Variants in AFG1L observed in about 807,000 individuals in gnomAD.
The protein encoded by AFG1L is AFG1 like ATPase.
AFG1L carries 53 observed loss-of-function variants against 62.2 expected under a neutral mutation model. That is an observed-to-expected ratio of 0.85 (90% confidence interval 0.68 to 1.07). AFG1L has a LOEUF of 1.07. Among genes scored for constraint, AFG1L ranks in the 50% least tolerant of loss-of-function variants. The pLI is 0.00. For missense variants in AFG1L, 555 were observed against 590.5 expected (o/e 0.94, Z 0.62); for synonymous variants, 228 against 210.3 (o/e 1.08, Z -0.73).
Position 108,525,442 on chromosome 6 carries a change from C to T in AFG1L, c.*3017C>T, listed in dbSNP as rs970935323. 6.6e-6 allele frequency: 1 copy of T among 152,074 alleles called. No homozygotes were observed. The highest frequency in any genetic ancestry group is 1.5e-5 in the Non-Finnish European group (1 of 68,014). 9.4% of individuals were successfully genotyped at this position (152,074 alleles called of 1,614,324 possible). ...TTCAAATTTTAATAATAAGGCAATA[C>T]TTTTATCTTCTTAAAGTATATTTCC... On this transcript the variant is annotated 3_prime_UTR_variant, in exon 13 of 13. Coordinates refer to ENST00000368977, the MANE Select transcript of AFG1L (RefSeq NM_145315.5).
At chr6:108,482,944 C>T (rs930995564) in intron 10 of AFG1L, among the ~76,000 whole-genome samples, 8 of 152,072 alleles carry the variant, frequency 5.3e-5, no homozygotes, top group African/African-American at 1.7e-4. Context: ...ACAGTGTACT[C>T]GTTGGCAGTA....
In AFG1L at chr6:108,446,051, T is replaced by TACACAC. The variant is rs67384163; in HGVS notation, c.808-1116_808-1111dup. 2.5e-3 allele frequency among the ~76,000 whole-genome samples: 358 copies of TACACAC among 141,876 alleles called. 1 individual carries two copies. The highest frequency in any genetic ancestry group is 8.2e-3 in the African/African-American group (310 of 37,656). The allele number at this position is 141,876 out of a possible 152,430, so 93.1% of individuals were successfully genotyped here. ...AGTATGCCTCTCATCTATGTAGAGA[T>TACACAC]ACACACACACACACACACACACACA... On this transcript the variant is annotated intron_variant, in intron 7 of 12. Transcript: ENST00000368977.
intron 7 of AFG1L, among the ~76,000 whole-genome samples, chr6:108,441,712 A>AAAAAATATAT (rs1401294615): frequency 0.013 from 1,778 of 139,396 alleles, 28 homozygotes; most frequent in Middle Eastern, 0.049. Context: ...AAAAAAAAAA[A>AAAAAATATAT]ATATATATAT....
At chr6:108,392,700 A>G (rs190611389) in intron 6 of AFG1L, among the ~76,000 whole-genome samples, 1 of 152,126 alleles carries the variant, frequency 6.6e-6, no homozygotes, top group Non-Finnish European at 1.5e-5. Flanking sequence ...TAAATAGTCT[A>G]TAGGTAGTCT....
chr6:108,410,868 C>A (rs889426909), intron 7 of AFG1L, among the ~76,000 whole-genome samples: 2 of 152,080 alleles, frequency 1.3e-5, no homozygotes, highest in Non-Finnish European at 2.9e-5. Flanking sequence ...GTAAGCAATG[C>A]AGAAGACGGG....
chr6:108,332,758 C>T lies in AFG1L; in HGVS notation c.363+8710C>T, dbSNP rs560590641. Among the ~76,000 whole-genome samples, 10 of 152,192 alleles carry T rather than the reference C, an allele frequency of 6.6e-5. No homozygotes were observed. The East Asian group carries it at 1.9e-3, about 30-fold the overall frequency. ...CAGTAGCAGGGACTACATGTGCATA[C>T]CACCATGCCTGGCTAATTTTTTGTA... On this transcript the variant is annotated intron_variant, in intron 2 of 12. Coordinates refer to ENST00000368977, the MANE Select transcript of AFG1L (RefSeq NM_145315.5).
intron 8 of AFG1L, among the ~76,000 whole-genome samples, chr6:108,472,557 TTA>T (rs1772938267): frequency 1.3e-5 from 2 of 152,210 alleles, no homozygotes; most frequent in South Asian, 4.1e-4. Flanking sequence ...TTAGGATAGT[TTA>T]TCTTTTTCCT....
chr6:108,412,292 G>T (rs1477931928), intron 7 of AFG1L, among the ~76,000 whole-genome samples: 1 of 152,174 alleles, frequency 6.6e-6, no homozygotes, highest in Non-Finnish European at 1.5e-5. Flanking sequence ...CATCTGATTG[G>T]TGTATCTGAA....
intron 6 of AFG1L, among the ~76,000 whole-genome samples, chr6:108,377,629 G>A (rs1011770955): frequency 6.6e-6 from 1 of 152,036 alleles, no homozygotes; most frequent in African/African-American, 2.4e-5. Context: ...GCCTGATGGG[G>A]TTCCTTTTGT....
chr6:108,492,875 TTAAAG>T (rs773515792), intron 10 of AFG1L, among the ~76,000 whole-genome samples: 16 of 152,170 alleles, frequency 1.1e-4, no homozygotes, highest in Non-Finnish European at 5.9e-5. Context: ...CAGGATCATG[TTAAAG>T]TAAATGCCTT....
intron 3 of AFG1L, among the ~76,000 whole-genome samples, chr6:108,348,141 C>T (rs1030062504): frequency 7.9e-5 from 12 of 152,158 alleles, no homozygotes; most frequent in African/African-American, 1.2e-4. Flanking sequence ...TGCGGTGGCG[C>T]GATCTCGGCT....
At chr6:108,416,386 A>T (rs2114674667) in intron 7 of AFG1L, among the ~76,000 whole-genome samples, 1 of 152,364 alleles carries the variant, frequency 6.6e-6, no homozygotes, top group East Asian at 1.9e-4. Context: ...AGGATCTAGA[A>T]CTAGAAATAC....
chr6:108,353,298 G>A (rs998496387), intron 3 of AFG1L, among the ~76,000 whole-genome samples: 19 of 151,940 alleles, frequency 1.3e-4, no homozygotes, highest in African/African-American at 4.6e-4. Flanking sequence ...GGGACTACAG[G>A]CATGCACCAC....
At position 108,391,037 on chromosome 6, in the gene AFG1L, G is replaced by A. The variant is rs555650760; in HGVS notation, c.749-10959G>A. ...TGTTGATTGATGGGCATTTGGGCTG[G>A]TTCCGTATTTTTGCAATTGCGAATT... is the stretch of plus-strand genomic sequence containing the variant. On this transcript the variant is annotated intron_variant, in intron 6 of 12. Transcript: ENST00000368977. 2.6e-5 allele frequency among the ~76,000 whole-genome samples: 4 copies of A among 152,324 alleles called. No individual in the cohort carries two copies. The East Asian group carries it at 7.7e-4, about 29-fold the overall frequency.
chr6:108,336,879 C>T (rs1176821499), intron 2 of AFG1L, among the ~76,000 whole-genome samples: 1 of 152,172 alleles, frequency 6.6e-6, no homozygotes, highest in Non-Finnish European at 1.5e-5. Context: ...CTAAATATAT[C>T]ACATATAACG....
intron 7 of AFG1L, among the ~76,000 whole-genome samples, chr6:108,445,633 TGAGAGAGAGAGAGA>T (rs59323063): frequency 0.11 from 14,475 of 130,094 alleles, 907 homozygotes; most frequent in Middle Eastern, 0.21. Flanking sequence ...ACACCTAAGG[TGAGAGAGAGAGAGA>T]GAGAGAGAGA....
rs1301148687 is a variant in AFG1L at position 108,407,187 on chromosome 6, G to A, written c.807+5133G>A. On this transcript the variant is annotated intron_variant, in intron 7 of 12. Transcript: ENST00000368977. ...GCTTCCCTTAGCCTTTGCCGGCATG[G>A]TTGGGGAGGTGGAGCTACAGTTTTT... 2.0e-5 allele frequency among the ~76,000 whole-genome samples: 3 copies of A among 152,132 alleles called. No individual in the cohort carries two copies. In the East Asian group the frequency reaches 5.8e-4, roughly 29 times the overall value.
intron 7 of AFG1L, among the ~76,000 whole-genome samples, chr6:108,407,949 A>AT (rs1333528975): frequency 4.6e-5 from 7 of 151,986 alleles, no homozygotes; most frequent in South Asian, 2.1e-4. Flanking sequence ...CTATGGTTTG[A>AT]TTTTTTCCCC....
At chr6:108,519,898 G>A in intron 12 of AFG1L, 88 bp downstream of exon 12, 1 of 753,084 alleles carries the variant, frequency 1.3e-6, no homozygotes, top group Non-Finnish European at 2.2e-6. Context: ...AAGAAGAAAT[G>A]CAGTGTATAG....
Sources: gnomAD v4.1 joint callset for allele counts (sites outside exome capture counted in the v4.1 genomes callset) on GRCh38, gnomAD v4.1.1 for gene constraint, MANE v1.5 for transcripts, NCBI Gene and HGNC (gene_info 2026-07-23, HGNC 2026-07-21) for gene names.